The following SPACA7 variants were observed in gnomAD, a reference collection of about 807,000 sequenced individuals.
SPACA7 encodes the protein sperm acrosome associated 7.
Under a neutral mutation model 26.3 loss-of-function variants are expected in SPACA7, and 19 were observed. That is an observed-to-expected ratio of 0.72 (90% CI 0.50 to 1.06). The LOEUF (loss-of-function observed/expected upper bound fraction) is 1.06, where lower values mean the gene tolerates loss of function less well. SPACA7 is among the 50% of genes least tolerant of loss of function. The pLI is 0.00. For missense variants in SPACA7, 211 were observed against 229.9 expected (o/e 0.92, Z 0.53); for synonymous variants, 84 against 84.5 (o/e 0.99, Z 0.04).
At chr13:112,409,395 CAGCAAA>C (rs1280361191) in intron 5 of SPACA7, among the ~76,000 whole-genome samples, 2 of 152,092 alleles carry the variant, frequency 1.3e-5, no homozygotes, top group Non-Finnish European at 2.9e-5. Context: ...AGCTTCTGCA[CAGCAAA>C]AGAAACTACC....
intron 5 of SPACA7, among the ~76,000 whole-genome samples, chr13:112,415,527 G>C (rs767638074): frequency 6.6e-6 from 1 of 152,242 alleles, no homozygotes; most frequent in African/African-American, 2.4e-5. Context: ...GTGTGGTTTT[G>C]CTGTGGCAGG....
intron 5 of SPACA7, among the ~76,000 whole-genome samples, chr13:112,401,632 C>G (rs1369832334): frequency 1.3e-5 from 2 of 152,114 alleles, no homozygotes; most frequent in African/African-American, 4.8e-5. Context: ...TCTCTGACTG[C>G]CTTTAGCTTT....
At chr13:112,380,860 G>T (rs1393372916) in intron 1 of SPACA7, among the ~76,000 whole-genome samples, 1 of 152,122 alleles carries the variant, frequency 6.6e-6, no homozygotes, top group Non-Finnish European at 1.5e-5. Context: ...TGATTACAAT[G>T]TTCAACAGAG....
chr13:112,407,122 G>C (rs377090708), intron 5 of SPACA7, among the ~76,000 whole-genome samples: 1 of 152,154 alleles, frequency 6.6e-6, no homozygotes, highest in Non-Finnish European at 1.5e-5. Flanking sequence ...TGACTACTGG[G>C]TACATAACAA....
chr13:112,433,804 G>A (rs145739536), intron 6 of SPACA7, among the ~76,000 whole-genome samples: 2,526 of 152,220 alleles, frequency 0.017, 58 homozygotes, highest in African/African-American at 0.058. Context: ...CAACACACGC[G>A]GTGTAGAAAG....
At chr13:112,409,189 C>T (rs1886185300) in intron 5 of SPACA7, among the ~76,000 whole-genome samples, 2 of 152,260 alleles carry the variant, frequency 1.3e-5, no homozygotes, top group South Asian at 4.1e-4. Flanking sequence ...TGGATCCCCT[C>T]CTTATACCTT....
At chr13:112,410,959 C>T (rs1415192905) in intron 5 of SPACA7, among the ~76,000 whole-genome samples, 1 of 152,070 alleles carries the variant, frequency 6.6e-6, no homozygotes, top group African/African-American at 2.4e-5. Flanking sequence ...TTATTTTTAA[C>T]CACTCAACAT....
intron 5 of SPACA7, among the ~76,000 whole-genome samples, chr13:112,425,309 T>G (rs191700106): frequency 1.0e-3 from 157 of 152,352 alleles, no homozygotes; most frequent in Non-Finnish European, 1.9e-3. Context: ...CCATGTTTAC[T>G]GATGGCACAT....
chr13:112,384,339 G>C (rs892886822), intron 1 of SPACA7, among the ~76,000 whole-genome samples: 9 of 151,808 alleles, frequency 5.9e-5, no homozygotes, highest in African/African-American at 2.2e-4. Context: ...AATTATTACT[G>C]ATAACATATA....
chr13:112,432,662 C>A, intron 6 of SPACA7, 141 bp downstream of exon 6: 1 of 640,304 alleles, frequency 1.6e-6, no homozygotes, highest in Non-Finnish European at 2.8e-6. Flanking sequence ...CACAGGAGCC[C>A]CTGTCCAACC....
At chr13:112,396,984 C>T (rs1188991898) in intron 2 of SPACA7, among the ~76,000 whole-genome samples, 1 of 152,220 alleles carries the variant, frequency 6.6e-6, no homozygotes, top group Non-Finnish European at 1.5e-5. Context: ...CTGGTAGACT[C>T]CTCCTACCTT....
At chr13:112,393,984 CAA>C (rs35094954) in intron 2 of SPACA7, among the ~76,000 whole-genome samples, 11 of 133,330 alleles carry the variant, frequency 8.3e-5, no homozygotes, top group Admixed American at 1.5e-4. Flanking sequence ...GACTCTGTCT[CAA>C]AAAAAAAAAA....
intron 1 of SPACA7, among the ~76,000 whole-genome samples, chr13:112,388,784 G>C (rs1328393338): frequency 6.6e-6 from 1 of 152,144 alleles, no homozygotes; most frequent in Admixed American, 6.5e-5. Flanking sequence ...CCAAGCATTC[G>C]GGAAACAGAG....
chr13:112,413,929 G>C (rs1886514177), intron 5 of SPACA7, among the ~76,000 whole-genome samples: 2 of 152,124 alleles, frequency 1.3e-5, no homozygotes, highest in South Asian at 4.1e-4. Context: ...CCTCTGGTTG[G>C]GGCCTCAGGG....
rs1043536099 is a variant in SPACA7 at position 112,427,220 on chromosome 13, G to A, written c.446-5224G>A. Among the ~76,000 whole-genome samples, 7 of 152,156 alleles carry A rather than the reference G, an allele frequency of 4.6e-5. No individual in the cohort carries two copies. The East Asian group carries it at 9.6e-4, about 21-fold the overall frequency. ...GGGCTCTGTTCCTCGAGCCTGCCAC[G>A]GGAACACAAAAGCAACGTGAACAGT... is the stretch of plus-strand genomic sequence containing the variant. On this transcript the variant is annotated intron_variant, in intron 5 of 6. Coordinates refer to ENST00000283550, the MANE Select transcript of SPACA7 (RefSeq NM_145248.5).
At chr13:112,401,236 C>A in intron 5 of SPACA7, 72 bp downstream of exon 5, 1 of 1,208,610 alleles carries the variant, frequency 8.3e-7, no homozygotes, top group Non-Finnish European at 1.2e-6. Context: ...GTGACTGTCT[C>A]CCTCCAGCCT....
At chr13:112,434,065 C>T (rs1412594213) in intron 6 of SPACA7, among the ~76,000 whole-genome samples, 11 of 152,138 alleles carry the variant, frequency 7.2e-5, no homozygotes, top group Non-Finnish European at 1.6e-4. Context: ...AACAGAAGCC[C>T]TGGAGGTGAC....
At chr13:112,430,288 A>G (rs1250218437) in intron 5 of SPACA7, among the ~76,000 whole-genome samples, 1 of 151,236 alleles carries the variant, frequency 6.6e-6, no homozygotes, top group Non-Finnish European at 1.5e-5. Flanking sequence ...GCTCTGCGTA[A>G]GTTCTCACTC....
intron 5 of SPACA7, among the ~76,000 whole-genome samples, chr13:112,422,436 T>C (rs946895679): frequency 1.4e-4 from 21 of 152,270 alleles, no homozygotes; most frequent in African/African-American, 5.1e-4. Context: ...TTTAGCCAAA[T>C]TACTCAAATT....
Sources: allele counts gnomAD v4.1 joint callset (sites outside exome capture counted in the v4.1 genomes callset), GRCh38; gene constraint gnomAD v4.1.1; transcripts MANE v1.5; gene names NCBI Gene and HGNC (gene_info 2026-07-23, HGNC 2026-07-21).